The following UNC5A variants were observed in gnomAD, a reference collection of about 807,000 sequenced individuals.
The protein encoded by UNC5A is netrin receptor UNC5A.
Under a neutral mutation model 87.4 loss-of-function variants are expected in UNC5A, and 20 were observed. That is an observed-to-expected ratio of 0.23 (90% CI 0.16 to 0.33). The LOEUF (loss-of-function observed/expected upper bound fraction) is 0.33, where lower values mean the gene tolerates loss of function less well. Among genes scored for constraint, UNC5A ranks in the 10% least tolerant of loss-of-function variants. The probability of loss-of-function intolerance (pLI) is 1.00; values close to 1 mark genes in which losing one functional copy is unlikely to be tolerated. For missense variants in UNC5A, 844 were observed against 1,133.4 expected, an observed-to-expected ratio of 0.74 and a Z score of 3.67; for synonymous variants, 438 against 482.3, an observed-to-expected ratio of 0.91 and a Z score of 1.20.
rs1034801038 is a variant in UNC5A at position 176,869,574 on chromosome 5, G to A, written c.721+610G>A. ...CCCCTGGGCCAGTGTATCTGAGGAC[G>A]CCCCCGCTCCCTGACCCCAGTCCTT... is the stretch of plus-strand genomic sequence containing the variant. On this transcript the variant is annotated intron_variant, in intron 5 of 14. Transcript: ENST00000329542. This position sits in a 1 kb window ranked among gnomAD's most constrained non-coding sequence, Gnocchi z 9.1. The A allele has an allele frequency of 1.3e-5, 9 of 679,480 alleles. No individual in the cohort carries two copies. The highest frequency in any genetic ancestry group is 5.3e-5 in the African/African-American group (3 of 56,606). 42.1% of individuals were successfully genotyped at this position (679,480 alleles called of 1,614,324 possible).
At position 176,824,915 on chromosome 5, in the gene UNC5A, T is replaced by C. The variant is rs867426358; in HGVS notation, c.70+14095T>C. On this transcript the variant is annotated intron_variant, in intron 1 of 14. Coordinates refer to ENST00000329542, the MANE Select transcript of UNC5A (RefSeq NM_133369.3). The surrounding 1 kb of genome is among the most constrained non-coding windows in gnomAD (Gnocchi z 4.2). The stretch of plus-strand genomic sequence containing the variant: ...CCCTCTCTTTGCCACTCACCCCCGC[T>C]CCCGTGCACACCAAGGCTGCGTCTC... Among the ~76,000 whole-genome samples the C allele has an allele frequency of 5.8e-4, 88 of 151,932 alleles. 1 individual carries two copies. The highest frequency in any genetic ancestry group is 4.1e-4 in the Non-Finnish European group (28 of 67,956).
At chr5:176,812,906 C>T (rs1581238332) in intron 1 of UNC5A, among the ~76,000 whole-genome samples, 1 of 152,182 alleles carries the variant, frequency 6.6e-6, no homozygotes, top group Non-Finnish European at 1.5e-5. Flanking sequence ...TGCCGTGACC[C>T]GGGCTCCTCC....
At position 176,854,047 on chromosome 5, in the gene UNC5A, A is replaced by G. The variant is rs577108099; in HGVS notation, c.71-8577A>G. ...CAGGGAAGCAGCTGGCAGGCTGTAC[A>G]GAGGTTTTTTATGTTTTGGCTTTGA... On this transcript the variant is annotated intron_variant, in intron 1 of 14. Transcript: ENST00000329542. Among the ~76,000 whole-genome samples the G allele has an allele frequency of 2.6e-5, 4 of 152,304 alleles. No individual in the cohort carries two copies. The East Asian group carries it at 5.8e-4, about 22-fold the overall frequency.
chr5:176,829,416 A>AAGGG (rs1756944015), intron 1 of UNC5A, among the ~76,000 whole-genome samples: 1 of 75,960 alleles, frequency 1.3e-5, no homozygotes, highest in African/African-American at 4.9e-5. Context: ...ATGAAAGATG[A>AAGGG]ATGGATGGAT....
rs200431170 is a variant in UNC5A, at chr5:176,878,663, C to T, written c.2184+24C>T. 1.9e-5 allele frequency: 30 copies of T among 1,597,408 alleles called. No homozygotes were observed. The African/African-American group carries it at 2.1e-4, about 11-fold the overall frequency. On this transcript the variant is annotated intron_variant, in intron 13 of 14. Transcript: ENST00000329542. ...AGGTGGACGGGAGGGGCTGCCGCAC[C>T]GCCGTGACGTGCTCCCACTACCAAC...
intron 1 of UNC5A, among the ~76,000 whole-genome samples, chr5:176,839,904 C>T (rs1757234647): frequency 6.6e-6 from 1 of 151,390 alleles, no homozygotes; most frequent in Admixed American, 6.6e-5. Context: ...GCAGCCTCCA[C>T]CTCCTGGGTT....
At chr5:176,829,892 T>TTTTTTTTTTTTTTTTTTG (rs1561643558) in intron 1 of UNC5A, among the ~76,000 whole-genome samples, 1 of 146,044 alleles carries the variant, frequency 6.8e-6, no homozygotes, top group Non-Finnish European at 1.5e-5. Context: ...TTTTTTTTTT[T>TTTTTTTTTTTTTTTTTTG]GAGATGGAAT....
At position 176,865,955 on chromosome 5, in the gene UNC5A, A is replaced by G. The variant is rs1043588242; in HGVS notation, c.293-2175A>G. Among the ~76,000 whole-genome samples, 1 of 152,264 alleles carries G rather than the reference A, an allele frequency of 6.6e-6. No individual in the cohort carries two copies. The highest frequency in any genetic ancestry group is 2.4e-5 in the African/African-American group (1 of 41,468). On this transcript the variant is annotated intron_variant, in intron 2 of 14. Coordinates refer to ENST00000329542, the MANE Select transcript of UNC5A (RefSeq NM_133369.3). The surrounding 1 kb of genome is among the most constrained non-coding windows in gnomAD (Gnocchi z 5.3). ...ACCAAGCACTGGAGTCCGGTCTGGG[A>G]GTATAACTTATTTTGTGTTAAACAA...
At chr5:176,835,215 A>G (rs912552176) in intron 1 of UNC5A, among the ~76,000 whole-genome samples, 1 of 152,246 alleles carries the variant, frequency 6.6e-6, no homozygotes, top group East Asian at 1.9e-4. Flanking sequence ...GGAGGTGAAC[A>G]TTGGCACTGG....
rs1012911498 is a variant in UNC5A at position 176,838,550 on chromosome 5, C to T, written c.71-24074C>T. 1.3e-5 allele frequency among the ~76,000 whole-genome samples: 2 copies of T among 152,268 alleles called. No individual in the cohort carries two copies. The highest frequency in any genetic ancestry group is 2.9e-5 in the Non-Finnish European group (2 of 68,038). Reference sequence around the variant, plus strand: ...CTTGCAACTGAAAATCCCAAAGGTACAGCTGACTTCAGGCAAAGCCTGATG... The same window carrying T: ...CTTGCAACTGAAAATCCCAAAGGTATAGCTGACTTCAGGCAAAGCCTGATG... On this transcript the variant is annotated intron_variant, in intron 1 of 14. Transcript: ENST00000329542. This position sits in a 1 kb window ranked among gnomAD's most constrained non-coding sequence, Gnocchi z 4.2.
chr5:176,811,243 G>A (rs1444230403), intron 1 of UNC5A, among the ~76,000 whole-genome samples: 1 of 152,196 alleles, frequency 6.6e-6, no homozygotes, highest in African/African-American at 2.4e-5. Context: ...CCTCTTCCCG[G>A]TAGCATCTGC....
At chr5:176,877,463 T>C in intron 9 of UNC5A, 72 bp from the exon 10 acceptor site, 2 of 1,507,192 alleles carry the variant, frequency 1.3e-6, no homozygotes, top group South Asian at 1.3e-5. Flanking sequence ...TGCCCTGCCC[T>C]TGGCCTAGCC....
rs766672859 is a variant in UNC5A, at chr5:176,879,786, G to A, written c.2429G>A (p.Arg810Gln). 9.9e-6 allele frequency: 16 copies of A among 1,613,292 alleles called. No homozygotes were observed. Among genetic ancestry groups the A allele is most frequent in the East Asian group, 6.7e-5 (3 of 44,880 alleles). ...TAMILNLWEA[R>Q]HFPNGNLSQL... is the part of the protein sequence containing the mutation. ...ATGATCCTCAACCTGTGGGAGGCGC[G>A]GCACTTCCCCAACGGCAACCTCAGC... Residue 810 changes from arginine to glutamine, a missense_variant, in exon 15 of 15, where the codon CGG (arginine) becomes CAG (glutamine). By Grantham distance (43) the Arg-to-Gln change is conservative. Around this residue, in one of 3 missense-constraint regions of UNC5A, gnomAD observed 177 missense variants for 279.4 expected, o/e 0.63. Coordinates refer to ENST00000329542, the MANE Select transcript of UNC5A (RefSeq NM_133369.3).
At position 176,877,951 on chromosome 5, in the gene UNC5A, G is replaced by A. The variant is rs200745248; in HGVS notation, c.1693G>A (p.Ala565Thr). 6.2e-7 allele frequency: 1 copy of A among 1,603,932 alleles called. No homozygotes were observed. Among genetic ancestry groups the A allele is most frequent in the Admixed American group, 1.7e-5 (1 of 59,978 alleles). Reference sequence around the variant, plus strand: ...CCACCTCTACTACTGCCAGCTGGAGGCCAGTGCCTGCTACGTCTTCACCGA... The same window carrying A: ...CCACCTCTACTACTGCCAGCTGGAGACCAGTGCCTGCTACGTCTTCACCGA... ...PSHLYYCQLE[A>T]SACYVFTEQL... is the part of the protein sequence containing the mutation. Residue 565 changes from alanine to threonine, a missense_variant, in exon 11 of 15, where the codon GCC becomes ACC. Ala to Thr is a moderately conservative substitution (Grantham distance 58). This residue lies in a region of UNC5A where 353 missense variants were observed against 387.5 expected (regional missense o/e 0.91). Coordinates refer to ENST00000329542, the MANE Select transcript of UNC5A (RefSeq NM_133369.3).
chr5:176,858,805 A>AGGG, intron 1 of UNC5A, among the ~76,000 whole-genome samples: 1 of 151,174 alleles, frequency 6.6e-6, no homozygotes, highest in Non-Finnish European at 1.5e-5. Context: ...GGAGGGAGGG[A>AGGG]AGGAAAGAAA....
chr5:176,835,013 C>T (rs1210448803), intron 1 of UNC5A, among the ~76,000 whole-genome samples: 2 of 152,246 alleles, frequency 1.3e-5, no homozygotes, highest in African/African-American at 2.4e-5. Context: ...GTGGGAGACA[C>T]ATGCCTGAGT....
intron 1 of UNC5A, among the ~76,000 whole-genome samples, chr5:176,851,347 C>T (rs544883931): frequency 1.9e-4 from 29 of 152,330 alleles, no homozygotes; most frequent in Admixed American, 9.2e-4. Context: ...CAAGGGCAGG[C>T]GACTGTGTAA....
chr5:176,824,364 C>T lies in UNC5A; in HGVS notation c.70+13544C>T, dbSNP rs554223030. ...CAGTCCTGTGAGCTGCTGTTAACAG[C>T]CTTCCTGGCCCTAGATCCACAAACT... is the stretch of plus-strand genomic sequence containing the variant. On this transcript the variant is annotated intron_variant, in intron 1 of 14. Coordinates refer to ENST00000329542, the MANE Select transcript of UNC5A (RefSeq NM_133369.3). The surrounding 1 kb of genome is among the most constrained non-coding windows in gnomAD (Gnocchi z 4.2). Among the ~76,000 whole-genome samples, 1 of 152,082 alleles carries T rather than the reference C, an allele frequency of 6.6e-6. No individual in the cohort carries two copies. The highest frequency in any genetic ancestry group is 1.5e-5 in the Non-Finnish European group (1 of 68,010).
intron 13 of UNC5A, 131 bp from the exon 14 acceptor site, chr5:176,879,179 G>A (rs1758346219): frequency 3.5e-6 from 4 of 1,139,132 alleles, no homozygotes; most frequent in Non-Finnish European, 4.9e-6. Context: ...CATGGGAGGT[G>A]CCCAGGAAGT....
Sources: gnomAD v4.1 joint callset for allele counts (sites outside exome capture counted in the v4.1 genomes callset) on GRCh38, gnomAD v4.1.1 for gene constraint, gnomAD v4.1.1 regional missense constraint, Gnocchi (gnomAD v3.1) non-coding constraint, MANE v1.5 for transcripts, NCBI Gene and HGNC (gene_info 2026-07-23, HGNC 2026-07-21) for gene names.